Variants in CSMD1 observed in about 807,000 individuals in gnomAD.
CSMD1 encodes the protein CUB and Sushi multiple domains 1, also known as CUB and sushi domain-containing protein 1.
Under a neutral mutation model 417.5 loss-of-function variants are expected in CSMD1, and 213 were observed. The observed-to-expected ratio is 0.51, with a 90% confidence interval of 0.46 to 0.57. The LOEUF is 0.57. Ranked by LOEUF, CSMD1 falls within the 20% of genes least tolerant of loss-of-function variation. The pLI is 0.00. For missense variants in CSMD1, 6,923 were observed against 4,529.7 expected, an observed-to-expected ratio of 1.53 and a Z score of -15.17; for synonymous variants, 2,862 against 1,736.8, an observed-to-expected ratio of 1.65 and a Z score of -16.11.
intron 5 of CSMD1, among the ~76,000 whole-genome samples, chr8:3,885,256 G>C (rs895129217): frequency 6.6e-6 from 1 of 152,110 alleles, no homozygotes; most frequent in Non-Finnish European, 1.5e-5. Flanking sequence ...ATCCTGAAAA[G>C]CCTCTAGCAT....
intron 1 of CSMD1, among the ~76,000 whole-genome samples, chr8:4,921,716 C>T (rs999965905): frequency 1.3e-5 from 2 of 152,154 alleles, no homozygotes; most frequent in Non-Finnish European, 2.9e-5. Context: ...GCAATGTTTA[C>T]TCACCCTAAG....
At chr8:3,154,053 G>A (rs112460734) in intron 39 of CSMD1, among the ~76,000 whole-genome samples, 4,060 of 152,146 alleles carry the variant, frequency 0.027, 73 homozygotes, top group Admixed American at 0.044. Flanking sequence ...TGCAACCTCC[G>A]CCTCCCTGGT....
rs185451689 is a variant in CSMD1, at chr8:3,456,650, T to A, written c.1561+12062A>T. On this transcript the variant is annotated intron_variant, in intron 12 of 69. Coordinates refer to ENST00000635120, the MANE Select transcript of CSMD1 (RefSeq NM_033225.6). ...TAGTCCTAGTGGACGTGTTTCAGTA[T>A]CAGAGGTGGCAATCACATCTTCAGC... Among the ~76,000 whole-genome samples the A allele has an allele frequency of 5.3e-5, 8 of 152,280 alleles. No homozygotes were observed. The East Asian group carries it at 7.7e-4, about 15-fold the overall frequency.
intron 3 of CSMD1, among the ~76,000 whole-genome samples, chr8:4,034,553 T>A (rs1227324482): frequency 6.6e-6 from 1 of 152,192 alleles, no homozygotes; most frequent in Non-Finnish European, 1.5e-5. Flanking sequence ...AAACTTTCCA[T>A]TTTATCAGGG....
intron 5 of CSMD1, among the ~76,000 whole-genome samples, chr8:3,945,914 G>C (rs929104759): frequency 6.6e-6 from 1 of 152,036 alleles, no homozygotes; most frequent in Non-Finnish European, 1.5e-5. Flanking sequence ...CTCAAGACGT[G>C]GCTCCAACTA....
intron 3 of CSMD1, among the ~76,000 whole-genome samples, chr8:4,218,620 T>C (rs118073245): frequency 6.6e-6 from 1 of 152,348 alleles, no homozygotes; most frequent in East Asian, 1.9e-4. Flanking sequence ...TAAAATCATA[T>C]ACTGTTTCAT....
chr8:4,284,974 C>A (rs186289939), intron 3 of CSMD1, among the ~76,000 whole-genome samples: 124 of 152,316 alleles, frequency 8.1e-4, no homozygotes, highest in African/African-American at 2.8e-3. Context: ...CCTCACCTCG[C>A]CTCACCATGC....
chr8:3,309,136 G>A (rs1473614351), intron 23 of CSMD1, among the ~76,000 whole-genome samples: 2 of 152,104 alleles, frequency 1.3e-5, no homozygotes, highest in Admixed American at 6.6e-5. Flanking sequence ...TCTAGGAACG[G>A]GATACTCTGC....
intron 3 of CSMD1, among the ~76,000 whole-genome samples, chr8:4,298,270 G>C (rs1297762362): frequency 6.6e-6 from 1 of 152,106 alleles, no homozygotes; most frequent in African/African-American, 2.4e-5. Flanking sequence ...ACATTAAAAG[G>C]TAAGAAGTTA....
chr8:3,801,842 T>C (rs1028238675), intron 5 of CSMD1, among the ~76,000 whole-genome samples: 2 of 152,066 alleles, frequency 1.3e-5, no homozygotes, highest in African/African-American at 4.8e-5. Flanking sequence ...GGGACCAGAA[T>C]CATTAAAGTA....
chr8:3,206,697 G>A (rs897294791), intron 30 of CSMD1, among the ~76,000 whole-genome samples: 2 of 136,682 alleles, frequency 1.5e-5, no homozygotes, highest in Admixed American at 7.3e-5. Flanking sequence ...TGTGTGTGTG[G>A]GGGGTTATGT....
chr8:3,344,280 A>G (rs191936557), intron 22 of CSMD1, among the ~76,000 whole-genome samples: 4 of 152,250 alleles, frequency 2.6e-5, no homozygotes, highest in Non-Finnish European at 2.9e-5. Context: ...CTTTCTGCCA[A>G]TGCCATGAGG....
chr8:4,382,670 G>C (rs1163421109), intron 3 of CSMD1, among the ~76,000 whole-genome samples: 1 of 152,148 alleles, frequency 6.6e-6, no homozygotes, highest in African/African-American at 2.4e-5. Context: ...TCAGGTCTTA[G>C]CATAAATAAT....
At chr8:4,267,770 A>G (rs75051152) in intron 3 of CSMD1, among the ~76,000 whole-genome samples, 4 of 152,272 alleles carry the variant, frequency 2.6e-5, no homozygotes, top group East Asian at 1.9e-4. Flanking sequence ...ATCAGAATGC[A>G]TATTTTATAT....
At chr8:4,164,415 C>A (rs1797338741) in intron 3 of CSMD1, among the ~76,000 whole-genome samples, 1 of 152,110 alleles carries the variant, frequency 6.6e-6, no homozygotes, top group Non-Finnish European at 1.5e-5. Context: ...ATGCTAATAT[C>A]CTTGAGGGTT....
At chr8:3,234,843 C>T (rs1246720223) in intron 26 of CSMD1, among the ~76,000 whole-genome samples, 1 of 152,190 alleles carries the variant, frequency 6.6e-6, no homozygotes, top group Non-Finnish European at 1.5e-5. Flanking sequence ...CCTGAACCAG[C>T]ATTTTACACA....
intron 1 of CSMD1, among the ~76,000 whole-genome samples, chr8:4,753,253 C>T (rs981353367): frequency 6.6e-6 from 1 of 151,450 alleles, no homozygotes; most frequent in Non-Finnish European, 1.5e-5. Flanking sequence ...GGCTGAGTCA[C>T]AAAAGAAAAT....
At position 4,071,882 on chromosome 8, in the gene CSMD1, A is replaced by T. The variant is rs189299227; in HGVS notation, c.416-39783T>A. Among the ~76,000 whole-genome samples the T allele has an allele frequency of 2.0e-3, 305 of 152,234 alleles. 1 individual carries two copies. Among genetic ancestry groups the T allele is most frequent in the Middle Eastern group, 0.014 (4 of 294 alleles). ...GAACTCCTCTGTCCTCAGCTACCCC[A>T]TTTGGAATCTGCTCCACTTAGGCAT... On this transcript the variant is annotated intron_variant, in intron 3 of 69. Transcript: ENST00000635120.
intron 3 of CSMD1, among the ~76,000 whole-genome samples, chr8:4,317,011 T>A (rs948321425): frequency 6.6e-6 from 1 of 152,048 alleles, no homozygotes; most frequent in Non-Finnish European, 1.5e-5. Flanking sequence ...CAATACACTG[T>A]TGGGGCAAAA....
Sources: gnomAD v4.1 joint callset for allele counts (sites outside exome capture counted in the v4.1 genomes callset) on GRCh38, gnomAD v4.1.1 for gene constraint, MANE v1.5 for transcripts, NCBI Gene and HGNC (gene_info 2026-07-23, HGNC 2026-07-21) for gene names.